Variants in TFAP4 observed in about 807,000 individuals in gnomAD.
The protein encoded by TFAP4 is transcription factor AP-4.
A neutral mutation model predicts 40.4 loss-of-function variants in TFAP4; 7 were observed. The ratio of observed to expected loss-of-function variants is 0.17; its 90% CI spans 0.10 to 0.33. TFAP4 has a LOEUF of 0.33. TFAP4 is among the 10% of genes least tolerant of loss of function. TFAP4 has a pLI of 1.00. For missense variants in TFAP4, 374 were observed against 451.1 expected, an observed-to-expected ratio of 0.83 and a Z score of 1.55; for synonymous variants, 218 against 181.4, an observed-to-expected ratio of 1.20 and a Z score of -1.62.
intron 1 of TFAP4, among the ~76,000 whole-genome samples, chr16:4,270,627 C>T (rs540995103): frequency 3.3e-5 from 5 of 152,356 alleles, no homozygotes; most frequent in African/African-American, 1.2e-4. Context: ...ACCTTCAAGT[C>T]CTTGGCCTAC....
In TFAP4 at chr16:4,272,721, T is replaced by G. The variant is rs548242470; in HGVS notation, c.26A>C (p.Gln9Pro). The change falls in exon 1 of 7, where the codon CAG (glutamine) becomes CCG (proline). Residue 9 changes from glutamine to proline, a missense_variant. Physicochemically the swap from Gln to Pro is moderately conservative, Grantham distance 76. Coordinates refer to ENST00000204517, the MANE Select transcript of TFAP4 (RefSeq NM_003223.3). ...GAAATGTTGCAAAGAGGGCACCTTC[T>G]GAGTGGGCACCATGAAATACTCCAT... MEYFMVPT[Q>P]KVPSLQHFRK... 1 of 1,613,518 alleles carries G rather than the reference T, an allele frequency of 6.2e-7. No homozygotes were observed. The highest frequency in any genetic ancestry group is 1.1e-5 in the South Asian group (1 of 91,056).
intron 1 of TFAP4, chr16:4,264,721 C>G (rs763019757): frequency 1.3e-5 from 2 of 152,356 alleles, no homozygotes; most frequent in African/African-American, 4.8e-5. Context: ...AGCCTTAGGG[C>G]GGAGTCCAGG....
intron 1 of TFAP4, among the ~76,000 whole-genome samples, chr16:4,271,463 G>A (rs1331632788): frequency 6.6e-6 from 1 of 152,352 alleles, no homozygotes; most frequent in South Asian, 2.1e-4. Context: ...CCCACACCAC[G>A]CCCAGGGGGT....
chr16:4,259,265 C>G (rs953965618), intron 6 of TFAP4, among the ~76,000 whole-genome samples: 1 of 151,846 alleles, frequency 6.6e-6, no homozygotes, highest in African/African-American at 2.4e-5. Context: ...TCCCGAATAG[C>G]TGGGATTACA....
At chr16:4,270,818 C>T (rs1188254087) in intron 1 of TFAP4, among the ~76,000 whole-genome samples, 1 of 152,232 alleles carries the variant, frequency 6.6e-6, no homozygotes, top group African/African-American at 2.4e-5. Context: ...CCAGTAGGCA[C>T]AGCGGCTCAA....
At chr16:4,261,735 C>A (rs1419685070) in intron 4 of TFAP4, 44 bp downstream of exon 4, 3 of 1,534,648 alleles carry the variant, frequency 2.0e-6, no homozygotes, top group African/African-American at 2.8e-5. Flanking sequence ...AGGCTCCACG[C>A]CCTCTGCACC....
intron 1 of TFAP4, among the ~76,000 whole-genome samples, chr16:4,272,016 G>A (rs2053044302): frequency 6.6e-6 from 1 of 151,616 alleles, no homozygotes; most frequent in Non-Finnish European, 1.5e-5. Context: ...GGCGCGGGCG[G>A]GCGAGCGAGC....
At chr16:4,258,894 G>A (rs2052921624) in intron 6 of TFAP4, 1 of 152,000 alleles carries the variant, frequency 6.6e-6, no homozygotes, top group Non-Finnish European at 1.5e-5. Flanking sequence ...AGGAGTTCGA[G>A]ACCAGCCCCT....
In TFAP4 at chr16:4,272,815, C is replaced by T; in HGVS notation, c.-69G>A. 7.0e-7 allele frequency: 1 copy of T among 1,429,188 alleles called. No individual in the cohort carries two copies. Among genetic ancestry groups the T allele is most frequent in the Non-Finnish European group, 9.5e-7 (1 of 1,047,498 alleles). 88.5% of individuals were successfully genotyped at this position (1,429,188 alleles called of 1,614,324 possible). On this transcript the variant is annotated 5_prime_UTR_variant, in exon 1 of 7. Transcript: ENST00000204517. Reference sequence around the variant, plus strand: ...AGCCGGAGAATGCAAGATGGAAATCCGAATCAAAGGGCAGCGCCGGACGGA... The same window carrying T: ...AGCCGGAGAATGCAAGATGGAAATCTGAATCAAAGGGCAGCGCCGGACGGA...
At chr16:4,264,042 G>C (rs2052970999) in intron 1 of TFAP4, 1 of 152,448 alleles carries the variant, frequency 6.6e-6, no homozygotes, top group Admixed American at 6.5e-5. Flanking sequence ...CTTCCTGAGG[G>C]GCCCTCCCGG....
intron 4 of TFAP4, 103 bp from the exon 5 acceptor site, chr16:4,260,698 G>T: frequency 7.3e-7 from 1 of 1,373,092 alleles, no homozygotes; most frequent in Non-Finnish European, 9.6e-7. Flanking sequence ...CCTAGCACAG[G>T]GCGGGCCCCT....
rs1299602444 is a variant in TFAP4 at position 4,262,654 on chromosome 16, C to T, written c.137G>A (p.Arg46Gln). The change falls in exon 2 of 7, where the codon CGG (arginine) becomes CAG (glutamine). Residue 46 changes from arginine (R) to glutamine (Q), a missense_variant. Arg to Gln is a conservative substitution (Grantham distance 43). Transcript: ENST00000204517. ...LTPETQRDQERRIRREIANSN... is the reference protein window; with the variant it reads ...LTPETQRDQEQRIRREIANSN... ...GTTGGCGATCTCCCGCCGAATCCGCCGCTCCTGGTCCCGCTGAGTCTCGGG... is the reference window on the plus strand; with the variant it reads ...GTTGGCGATCTCCCGCCGAATCCGCTGCTCCTGGTCCCGCTGAGTCTCGGG... The T allele has an allele frequency of 6.2e-7, 1 of 1,611,284 alleles. No homozygotes were observed. The highest frequency in any genetic ancestry group is 2.2e-5 in the East Asian group (1 of 44,860).
chr16:4,260,654 G>T, intron 4 of TFAP4, 59 bp from the exon 5 acceptor site: 1 of 1,516,624 alleles, frequency 6.6e-7, no homozygotes, highest in South Asian at 1.3e-5. Context: ...TGCCCTGTCA[G>T]TCTCACAGCA....
rs1465706654 is a variant in TFAP4, at chr16:4,262,623, G to A, written c.168C>T (p.Asn56=). 3.1e-6 allele frequency: 5 copies of A among 1,611,734 alleles called. No individual in the cohort carries two copies. The highest frequency in any genetic ancestry group is 2.2e-5 in the East Asian group (1 of 44,842). ...TGATGCTCTGCATGCGTCTCCGCTC[G>A]TTGCTGTTGGCGATCTCCCGCCGAA... The part of the protein sequence containing the change: ...RRIRREIANS[N]ERRRMQSINA... Residue 56 remains asparagine, a synonymous_variant, in exon 2 of 7, where the codon AAC becomes AAT. Coordinates refer to ENST00000204517, the MANE Select transcript of TFAP4 (RefSeq NM_003223.3).
At chr16:4,268,583 T>C (rs2053016243) in intron 1 of TFAP4, among the ~76,000 whole-genome samples, 1 of 152,072 alleles carries the variant, frequency 6.6e-6, no homozygotes, top group African/African-American at 2.4e-5. Context: ...TATTATTTTT[T>C]TAATTTATTT....
chr16:4,259,253 C>T (rs966911396), intron 6 of TFAP4, among the ~76,000 whole-genome samples: 2 of 151,922 alleles, frequency 1.3e-5, no homozygotes, highest in African/African-American at 4.8e-5. Context: ...CCTGCCTCAG[C>T]CTCCCGAATA....
intron 1 of TFAP4, among the ~76,000 whole-genome samples, chr16:4,268,523 C>G (rs1047048650): frequency 6.6e-6 from 1 of 152,162 alleles, no homozygotes; most frequent in Non-Finnish European, 1.5e-5. Context: ...ATAAACACTC[C>G]AAAGCCTTCA....
intron 4 of TFAP4, among the ~76,000 whole-genome samples, chr16:4,260,837 A>G (rs2052942100): frequency 6.6e-6 from 1 of 152,154 alleles, no homozygotes; most frequent in Non-Finnish European, 1.5e-5. Flanking sequence ...TCTGCCGGGA[A>G]CACCTTTCTC....
At position 4,257,860 on chromosome 16, in the gene TFAP4, C is replaced by T; in HGVS notation, c.*195G>A. Reference sequence around the variant, plus strand: ...GCCGATGCTCCCACACGCTCTGCGACACCCCAGCCCCGGGACCTCGGGTTG... The same window carrying T: ...GCCGATGCTCCCACACGCTCTGCGATACCCCAGCCCCGGGACCTCGGGTTG... On this transcript the variant is annotated 3_prime_UTR_variant, in exon 7 of 7. Transcript: ENST00000204517. 1.7e-6 allele frequency: 1 copy of T among 603,176 alleles called. No homozygotes were observed. The highest frequency in any genetic ancestry group is 2.8e-6 in the Non-Finnish European group (1 of 355,048). The allele number at this position is 603,176 out of a possible 1,614,324, so 37.4% of individuals were successfully genotyped here. A position where few individuals can be genotyped will look rare whatever the true frequency, so the allele number is the denominator to read the frequency against.
Sources: gnomAD v4.1 joint callset for allele counts (sites outside exome capture counted in the v4.1 genomes callset) on GRCh38, gnomAD v4.1.1 for gene constraint, MANE v1.5 for transcripts, NCBI Gene and HGNC (gene_info 2026-07-23, HGNC 2026-07-21) for gene names.